DIS3L2: variants seen among roughly 807,000 people sequenced by gnomAD.
DIS3L2 encodes the protein DIS3 like 3'-5' exoribonuclease 2, also known as DIS3-like exonuclease 2.
Under a neutral mutation model 97.5 loss-of-function variants are expected in DIS3L2, and 34 were observed. The ratio of observed to expected loss-of-function variants is 0.35; its 90% CI spans 0.27 to 0.46. The LOEUF (loss-of-function observed/expected upper bound fraction) is 0.46. DIS3L2 is among the 20% of genes least tolerant of loss of function. The pLI is 1.00. For missense variants in DIS3L2, 1,038 were observed against 1,146.0 expected, an observed-to-expected ratio of 0.91 and a Z score of 1.36; for synonymous variants, 435 against 445.2, an observed-to-expected ratio of 0.98 and a Z score of 0.29.
At chr2:232,167,461 G>A (rs1267774747) in intron 9 of DIS3L2, among the ~76,000 whole-genome samples, 1 of 152,002 alleles carries the variant, frequency 6.6e-6, no homozygotes, top group East Asian at 1.9e-4. Flanking sequence ...CTAATAATAT[G>A]GAAATTCAGA....
At chr2:232,187,596 C>T (rs2106191801) in intron 9 of DIS3L2, among the ~76,000 whole-genome samples, 1 of 152,182 alleles carries the variant, frequency 6.6e-6, no homozygotes, top group Admixed American at 6.5e-5. Flanking sequence ...GTGCGCGCCA[C>T]CATGCCCAGC....
intron 9 of DIS3L2, among the ~76,000 whole-genome samples, chr2:232,203,847 G>A (rs1411907853): frequency 2.0e-5 from 3 of 152,180 alleles, no homozygotes; most frequent in Non-Finnish European, 4.4e-5. Context: ...TGCAAGGTAG[G>A]TCTTAGACAT....
At chr2:232,078,045 T>TC (rs1696269033) in intron 5 of DIS3L2, among the ~76,000 whole-genome samples, 1 of 150,148 alleles carries the variant, frequency 6.7e-6, no homozygotes, top group Admixed American at 6.7e-5. Context: ...CTCTTTCTTT[T>TC]TTTTTTTTTA....
intron 8 of DIS3L2, among the ~76,000 whole-genome samples, chr2:232,141,061 G>T (rs1238159649): frequency 6.6e-6 from 1 of 152,134 alleles, no homozygotes; most frequent in Non-Finnish European, 1.5e-5. Flanking sequence ...TTCTTCGCTG[G>T]AATGATCTGC....
chr2:231,980,424 C>T (rs115428614), intron 1 of DIS3L2, among the ~76,000 whole-genome samples: 531 of 152,100 alleles, frequency 3.5e-3, no homozygotes, highest in African/African-American at 0.012. Flanking sequence ...TTAGGCTGGG[C>T]GCAGTGGCTC....
At chr2:232,254,896 T>G (rs1409834105) in intron 12 of DIS3L2, among the ~76,000 whole-genome samples, 1 of 151,994 alleles carries the variant, frequency 6.6e-6, no homozygotes, top group Non-Finnish European at 1.5e-5. Context: ...AGAGACAGAG[T>G]TGTAGGGCAA....
intron 1 of DIS3L2, among the ~76,000 whole-genome samples, chr2:231,997,565 A>G (rs1371557649): frequency 6.6e-6 from 1 of 152,242 alleles, no homozygotes; most frequent in African/African-American, 2.4e-5. Flanking sequence ...TTAGGGGTAT[A>G]TCAAAATTGT....
At chr2:232,044,793 G>A (rs757929102) in intron 5 of DIS3L2, among the ~76,000 whole-genome samples, 1 of 152,092 alleles carries the variant, frequency 6.6e-6, no homozygotes, top group Non-Finnish European at 1.5e-5. Flanking sequence ...CTGTGGAGTG[G>A]TGGCCAGCAA....
chr2:232,087,854 A>T, intron 6 of DIS3L2, 133 bp downstream of exon 6: 2 of 695,630 alleles, frequency 2.9e-6, no homozygotes, highest in Non-Finnish European at 4.8e-6. Flanking sequence ...CAGCTTTCAG[A>T]AAAGGGGGAT....
chr2:232,081,568 T>C (rs979066080), intron 5 of DIS3L2, among the ~76,000 whole-genome samples: 3 of 152,296 alleles, frequency 2.0e-5, no homozygotes, highest in African/African-American at 7.2e-5. Flanking sequence ...TTGGTTACCT[T>C]GAGGTACAGT....
intron 1 of DIS3L2, among the ~76,000 whole-genome samples, chr2:232,003,507 C>G (rs1470207486): frequency 1.3e-5 from 2 of 152,188 alleles, no homozygotes; most frequent in South Asian, 4.1e-4. Context: ...CAACTTTACT[C>G]ATGTATAATT....
chr2:232,336,246 T>C, intron 20 of DIS3L2: 2 of 1,541,452 alleles, frequency 1.3e-6, no homozygotes, highest in Non-Finnish European at 1.8e-6. Context: ...GCCCTCAGGT[T>C]GTGTTTCATA....
chr2:232,316,171 A>G (rs951802151), intron 14 of DIS3L2, among the ~76,000 whole-genome samples: 1 of 152,194 alleles, frequency 6.6e-6, no homozygotes, highest in Admixed American at 6.5e-5. Context: ...CCTCCTGGGC[A>G]GCGGCTCATC....
At chr2:232,340,180 A>G (rs1554296), downstream of DIS3L2, among the ~76,000 whole-genome samples, 24,819 of 152,184 alleles carry the variant, frequency 0.16, 3,360 homozygotes, top group African/African-American at 0.37. Context: ...ACCGCATGGC[A>G]GGTGAGAGCA....
chr2:232,315,507 G>C (rs1027232823), intron 14 of DIS3L2, among the ~76,000 whole-genome samples: 22 of 152,014 alleles, frequency 1.4e-4, no homozygotes, highest in African/African-American at 5.3e-4. Context: ...GCTATCTGTG[G>C]GGTAGTGTTT....
At chr2:232,197,096 G>A (rs375400974) in intron 9 of DIS3L2, among the ~76,000 whole-genome samples, 120 of 152,228 alleles carry the variant, frequency 7.9e-4, no homozygotes, top group African/African-American at 2.6e-3. Flanking sequence ...CCTAACTTGG[G>A]AATTCAAAGG....
chr2:232,206,366 G>T (rs887451090), intron 9 of DIS3L2, among the ~76,000 whole-genome samples: 2 of 152,126 alleles, frequency 1.3e-5, no homozygotes, highest in African/African-American at 4.8e-5. Context: ...CCTGTGAAGG[G>T]TCACATAGGA....
At chr2:232,291,593 G>T (rs1694599320) in intron 13 of DIS3L2, among the ~76,000 whole-genome samples, 1 of 152,238 alleles carries the variant, frequency 6.6e-6, no homozygotes, top group South Asian at 2.1e-4. Context: ...CAAATTCACA[G>T]GCCTCCTGGA....
At chr2:232,339,301 A>C (rs1696056944), downstream of DIS3L2, among the ~76,000 whole-genome samples, 1 of 152,230 alleles carries the variant, frequency 6.6e-6, no homozygotes, top group South Asian at 2.1e-4. Flanking sequence ...GCGCCAGAGG[A>C]GGCGAGGCCT....
Sources: allele counts gnomAD v4.1 joint callset (sites outside exome capture counted in the v4.1 genomes callset), GRCh38; gene constraint gnomAD v4.1.1; transcripts MANE v1.5; gene names NCBI Gene and HGNC (gene_info 2026-07-23, HGNC 2026-07-21).